SHANK2: variants seen among roughly 807,000 people sequenced by gnomAD.
SHANK2 encodes SH3 and multiple ankyrin repeat domains protein 2.
Under a neutral mutation model 133.7 loss-of-function variants are expected in SHANK2, and 43 were observed. That is an observed-to-expected ratio of 0.32 (90% CI 0.25 to 0.41). The LOEUF is 0.41. Among genes scored for constraint, SHANK2 ranks in the 10% least tolerant of loss-of-function variants. The pLI, the probability that SHANK2 is intolerant of heterozygous loss-of-function variation, is 1.00. For synonymous variants in SHANK2, 1,017 were observed against 952.8 expected, an observed-to-expected ratio of 1.07 and a Z score of -1.24; for missense variants, 1,994 against 2,235.8, an observed-to-expected ratio of 0.89 and a Z score of 2.18.
chr11:70,703,256 C>G (rs1945579688), intron 14 of SHANK2, among the ~76,000 whole-genome samples: 1 of 152,206 alleles, frequency 6.6e-6, no homozygotes, highest in South Asian at 2.1e-4. Flanking sequence ...GGGAGGCTCA[C>G]AGAGTTTGAG....
chr11:70,940,186 A>C (rs11238033), intron 10 of SHANK2, among the ~76,000 whole-genome samples: 1,375 of 16,466 alleles, frequency 0.084, 14 homozygotes, highest in African/African-American at 0.18. Context: ...TTCCTTCCTT[A>C]CTTCCTTCCT....
intron 17 of SHANK2, among the ~76,000 whole-genome samples, chr11:70,534,236 G>A (rs1326544744): frequency 1.3e-5 from 2 of 152,202 alleles, no homozygotes; most frequent in East Asian, 3.9e-4. Context: ...AGAAGGGGAA[G>A]CAAACACGTC....
intron 17 of SHANK2, among the ~76,000 whole-genome samples, chr11:70,593,728 G>T (rs1243166940): frequency 6.6e-6 from 1 of 152,172 alleles, no homozygotes; most frequent in African/African-American, 2.4e-5. Context: ...TGACTTTGTG[G>T]GCAAACGGAG....
chr11:70,784,343 GT>G lies in SHANK2; in HGVS notation c.1777+14099del, dbSNP rs71049942. On this transcript the variant is annotated intron_variant, in intron 14 of 25. Transcript: ENST00000601538. ...AGGGCGTGCGCCACCACACCGGCTA[GT>G]TTTTTTTTTTTTTTTTTTTTTTTTT... Among the ~76,000 whole-genome samples, 240 of 42,810 alleles carry G rather than the reference GT, an allele frequency of 5.6e-3. 1 individual carries two copies. The highest frequency in any genetic ancestry group is 0.017 in the African/African-American group (219 of 12,546). 28.1% of individuals were successfully genotyped at this position (42,810 alleles called of 152,430 possible). A position where few individuals can be genotyped will look rare whatever the true frequency, so the allele number is the denominator to read the frequency against.
intron 11 of SHANK2, among the ~76,000 whole-genome samples, chr11:70,840,426 G>A (rs1449284696): frequency 6.6e-6 from 1 of 152,184 alleles, no homozygotes; most frequent in African/African-American, 2.4e-5. Context: ...AGGCTAGAAT[G>A]CACCCCAAAA....
chr11:70,534,996 T>C (rs576639690), intron 17 of SHANK2, among the ~76,000 whole-genome samples: 3 of 152,294 alleles, frequency 2.0e-5, no homozygotes, highest in African/African-American at 7.2e-5. Context: ...AAAGGAGCCA[T>C]GGCTCCAGGA....
At chr11:70,526,417 G>A (rs1372819799) in intron 17 of SHANK2, among the ~76,000 whole-genome samples, 1 of 152,192 alleles carries the variant, frequency 6.6e-6, no homozygotes, top group Admixed American at 6.5e-5. Flanking sequence ...GCCCCTTTGA[G>A]TCCCTGCTTC....
At chr11:70,863,190 C>G (rs180921701) in intron 11 of SHANK2, 243 of 375,872 alleles carry the variant, frequency 6.5e-4, no homozygotes, top group Non-Finnish European at 6.3e-4. Context: ...GAGAGAGGTC[C>G]CTGGTCAGGA....
At chr11:70,883,866 T>C (rs1052487858) in intron 11 of SHANK2, among the ~76,000 whole-genome samples, 26 of 152,072 alleles carry the variant, frequency 1.7e-4, no homozygotes, top group Non-Finnish European at 2.9e-4. Flanking sequence ...AGGGAACACC[T>C]TACAAGAGGG....
intron 10 of SHANK2, among the ~76,000 whole-genome samples, chr11:70,955,084 T>C (rs556710596): frequency 6.6e-6 from 1 of 152,348 alleles, no homozygotes; most frequent in South Asian, 2.1e-4. Flanking sequence ...ATTTCATCCT[T>C]GTCCTTCCCT....
chr11:71,189,184 C>T (rs2135573555), intron 2 of SHANK2, among the ~76,000 whole-genome samples: 1 of 152,262 alleles, frequency 6.6e-6, no homozygotes, highest in East Asian at 1.9e-4. Flanking sequence ...CTCCTGGCCA[C>T]CCCGGCTTCC....
chr11:70,851,365 C>T (rs73534011), intron 11 of SHANK2, among the ~76,000 whole-genome samples: 4,908 of 152,306 alleles, frequency 0.032, 233 homozygotes, highest in African/African-American at 0.11. Flanking sequence ...AAGAACATGG[C>T]TGTCCACTTA....
At chr11:70,586,594 G>A (rs1591614490) in intron 17 of SHANK2, among the ~76,000 whole-genome samples, 1 of 152,246 alleles carries the variant, frequency 6.6e-6, no homozygotes, top group Admixed American at 6.5e-5. Context: ...CACATGCTGG[G>A]ACGCAGACTC....
intron 6 of SHANK2, among the ~76,000 whole-genome samples, chr11:71,095,968 T>G (rs1343077344): frequency 7.3e-6 from 1 of 137,080 alleles, no homozygotes; most frequent in Non-Finnish European, 1.7e-5. Flanking sequence ...TGTCTCCATG[T>G]GAAAAGCATG....
Position 70,626,780 on chromosome 11 carries a change from C to A in SHANK2, c.2061+33048G>T, listed in dbSNP as rs190765871. On this transcript the variant is annotated intron_variant, in intron 17 of 25. Transcript: ENST00000601538. Reference sequence around the variant, plus strand: ...GCCCCTTATTCTGCAGAGGAGGAGTCCAAGGTGGCCCACCCACAGGAGGCA... The same window carrying A: ...GCCCCTTATTCTGCAGAGGAGGAGTACAAGGTGGCCCACCCACAGGAGGCA... 1.4e-4 allele frequency among the ~76,000 whole-genome samples: 21 copies of A among 146,676 alleles called. No individual in the cohort carries two copies. The East Asian group carries it at 3.3e-3, about 23-fold the overall frequency.
intron 10 of SHANK2, among the ~76,000 whole-genome samples, chr11:70,925,374 AG>A (rs1950413175): frequency 6.6e-6 from 1 of 152,202 alleles, no homozygotes; most frequent in Non-Finnish European, 1.5e-5. Context: ...GGTGCCCAAT[AG>A]GAGTAGGTAT....
At chr11:71,220,843 T>C (rs1035210436) in intron 2 of SHANK2, among the ~76,000 whole-genome samples, 1 of 152,126 alleles carries the variant, frequency 6.6e-6, no homozygotes, top group Non-Finnish European at 1.5e-5. Flanking sequence ...CTGGAGACGG[T>C]TGGTGGCGAT....
upstream of SHANK2, among the ~76,000 whole-genome samples, chr11:71,252,893 G>A (rs1346319844): frequency 6.6e-6 from 1 of 152,216 alleles, no homozygotes; most frequent in East Asian, 1.9e-4. This position sits in a 1 kb window ranked among gnomAD's most constrained non-coding sequence, Gnocchi z 6.3. Context: ...GAAAGTCCCT[G>A]ATTTTTGTAA....
At position 71,218,005 on chromosome 11, in the gene SHANK2, C is replaced by T. The variant is rs562990331; in HGVS notation, c.-13+6692G>A. Among the ~76,000 whole-genome samples, 7 of 152,106 alleles carry T rather than the reference C, an allele frequency of 4.6e-5. No individual in the cohort carries two copies. The East Asian group carries it at 1.4e-3, about 30-fold the overall frequency. Reference sequence around the variant, plus strand: ...AGCTGGGACTACAGGCACCCGCCACCACGCCCGGCTAATTTTTTGTATTTT... The same window carrying T: ...AGCTGGGACTACAGGCACCCGCCACTACGCCCGGCTAATTTTTTGTATTTT... On this transcript the variant is annotated intron_variant, in intron 2 of 25. Coordinates refer to ENST00000601538, the MANE Select transcript of SHANK2 (RefSeq NM_012309.5).
Sources: allele counts gnomAD v4.1 joint callset (sites outside exome capture counted in the v4.1 genomes callset), GRCh38; gene constraint gnomAD v4.1.1; non-coding constraint Gnocchi (gnomAD v3.1); transcripts MANE v1.5; gene names NCBI Gene and HGNC (gene_info 2026-07-23, HGNC 2026-07-21).